The following AMHR2 variants were observed in gnomAD, a reference collection of about 807,000 sequenced individuals.
AMHR2 encodes anti-Mullerian hormone receptor type 2, also known as anti-Muellerian hormone type-2 receptor.
A neutral mutation model predicts 61.4 loss-of-function variants in AMHR2; 36 were observed. The observed-to-expected ratio is 0.59, with a 90% CI of 0.45 to 0.77. AMHR2 has a LOEUF of 0.77. Among genes scored for constraint, AMHR2 ranks in the 30% least tolerant of loss-of-function variants. AMHR2 has a pLI of 0.00. For synonymous variants in AMHR2, 258 were observed against 279.4 expected (o/e 0.92, Z 0.76); for missense variants, 638 against 714.6 (o/e 0.89, Z 1.22).
intron 8 of AMHR2, 78 bp from the exon 9 acceptor site, chr12:53,429,750 TGGG>T: frequency 6.2e-7 from 1 of 1,607,006 alleles, no homozygotes; most frequent in South Asian, 1.1e-5. Flanking sequence ...AGTCTGTAGT[TGGG>T]GGGATATTGC....
chr12:53,425,758 G>T lies in AMHR2; in HGVS notation c.691G>T (p.Ala231Ser). 2 of 1,614,154 alleles carry T rather than the reference G, an allele frequency of 1.2e-6. No individual in the cohort carries two copies. Among genetic ancestry groups the T allele is most frequent in the Non-Finnish European group, 1.7e-6 (2 of 1,180,030 alleles). ...QLQGKLVAIK[A>S]FPPRSVAQFQ... is the part of the protein sequence containing the mutation. ...GCAAGGAAAACTGGTTGCCATCAAG[G>T]CCTTCCCACCGAGGTCTGTGGCTCA... The change falls in exon 6 of 11, where the codon GCC (alanine) becomes TCC (serine). Residue 231 changes from alanine to serine, a missense_variant. Ala to Ser is a moderately conservative substitution (Grantham distance 99). Coordinates refer to ENST00000257863, the MANE Select transcript of AMHR2 (RefSeq NM_020547.3).
chr12:53,431,397 G>C lies in AMHR2; in HGVS notation c.1646G>C (p.Ser549Thr), dbSNP rs762729768. The C allele has an allele frequency of 4.3e-6, 7 of 1,614,114 alleles. No homozygotes were observed. In the African/African-American group the frequency reaches 9.3e-5, roughly 22 times the overall value. ...PTILPCRPQR[S>T]ACHFSVQQGP... ...ATCCTCCCCTGTAGGCCTCAGCGGA[G>C]TGCCTGCCACTTCAGCGTTCAGCAA... Residue 549 changes from serine (S) to threonine (T), a missense_variant, in exon 11 of 11, where the codon AGT (serine) becomes ACT (threonine). Transcript: ENST00000257863.
chr12:53,428,756 A>G (rs1379235216), intron 6 of AMHR2, 140 bp from the exon 7 acceptor site: 3 of 707,634 alleles, frequency 4.2e-6, no homozygotes, highest in African/African-American at 1.8e-5. Flanking sequence ...TCCTCTACCT[A>G]TTGTCTTGGC....
intron 2 of AMHR2, 59 bp downstream of exon 2, chr12:53,424,529 G>A (rs946179577): frequency 1.3e-6 from 2 of 1,590,214 alleles, no homozygotes; most frequent in Non-Finnish European, 1.7e-6. Flanking sequence ...ACATCCTGGG[G>A]TGTGGGTGGC....
rs1231406141 is a variant in AMHR2, at chr12:53,429,502, G to A, written c.1017G>A (p.Val339=). The A allele has an allele frequency of 4.3e-6, 7 of 1,613,652 alleles. No individual in the cohort carries two copies. The African/African-American group carries it at 5.3e-5, about 12-fold the overall frequency. Residue 339 remains valine (V), a synonymous_variant, in exon 8 of 11, where the codon GTG becomes GTA. Transcript: ENST00000257863. ...ACCGAGATCTGAGCAGCCAGAATGT[G>A]CTCATTCGGGAAGATGGATCGTGTG... ...IAHRDLSSQN[V]LIREDGSCAI... is the part of the protein sequence containing the mutation.
chr12:53,424,603 G>C lies in AMHR2; in HGVS notation c.233-106G>C, dbSNP rs1198184069. On this transcript the variant is annotated intron_variant, in intron 2 of 10. Coordinates refer to ENST00000257863, the MANE Select transcript of AMHR2 (RefSeq NM_020547.3). The stretch of plus-strand genomic sequence containing the variant: ...AAAGAAAAGCCCATGAGAGCTGGAA[G>C]GGACGCCTCTGATAGAGAAGGGATT... The C allele has an allele frequency of 3.9e-6, 6 of 1,533,812 alleles. No individual in the cohort carries two copies. In the African/African-American group the frequency reaches 5.5e-5, roughly 14 times the overall value.
rs144236183 is a variant in AMHR2 at position 53,428,999 on chromosome 12, G to A, written c.956G>A (p.Arg319His). The change falls in exon 7 of 11, where the codon CGC becomes CAC. Residue 319 changes from arginine to histidine, a missense_variant. Coordinates refer to ENST00000257863, the MANE Select transcript of AMHR2 (RefSeq NM_020547.3). Reference sequence around the variant, plus strand: ...GGCCTGGCATTTCTCCATGAGGAGCGCTGGCAGAATGGTGGGTGAGCTGGG... The same window carrying A: ...GGCCTGGCATTTCTCCATGAGGAGCACTGGCAGAATGGTGGGTGAGCTGGG... The part of the protein sequence containing the change: ...AQGLAFLHEE[R>H]WQNGQYKPGI... 5.8e-6 allele frequency: 9 copies of A among 1,551,084 alleles called. No homozygotes were observed. Among genetic ancestry groups the A allele is most frequent in the East Asian group, 4.9e-5 (2 of 40,914 alleles).
chr12:53,424,517 A>G (rs1338984866), intron 2 of AMHR2, 47 bp downstream of exon 2: 1 of 1,597,796 alleles, frequency 6.3e-7, no homozygotes, highest in Non-Finnish European at 8.5e-7. Context: ...TGGGAGACAG[A>G]CACATCCTGG....
intron 6 of AMHR2, among the ~76,000 whole-genome samples, chr12:53,427,951 C>T (rs1410371383): frequency 6.6e-6 from 1 of 152,182 alleles, no homozygotes; most frequent in Non-Finnish European, 1.5e-5. Flanking sequence ...GTTCAACCTC[C>T]ACCACCTGTT....
In AMHR2 at chr12:53,429,589, C is replaced by A. The variant is rs757659134; in HGVS notation, c.1104C>A (p.Thr368=). The A allele has an allele frequency of 1.2e-6, 2 of 1,613,968 alleles. No individual in the cohort carries two copies. Among genetic ancestry groups the A allele is most frequent in the Non-Finnish European group, 8.5e-7 (1 of 1,180,000 alleles). Residue 368 remains threonine, a synonymous_variant, in exon 8 of 11, where the codon ACC becomes ACA. Transcript: ENST00000257863. Reference sequence around the variant, plus strand: ...GCCTCACTCAGCCCCCTGCCTGGACCCCTACTCAACCACAAGGCCCAGCTG... The same window carrying A: ...GCCTCACTCAGCCCCCTGCCTGGACACCTACTCAACCACAAGGCCCAGCTG... ...LPGLTQPPAW[T]PTQPQGPAAI...
Position 53,424,900 on chromosome 12 carries a change from G to A in AMHR2, c.424G>A (p.Gly142Ser). ...PGSQGPQAAP[G>S]ESIWMALVLL... Reference sequence around the variant, plus strand: ...CTCCCAGGGTCCCCAGGCTGCCCCAGGTAGCCACCCAAGGGTACTGAAGCC... The same window carrying A: ...CTCCCAGGGTCCCCAGGCTGCCCCAAGTAGCCACCCAAGGGTACTGAAGCC... The change falls in exon 3 of 11, where the codon GGT becomes AGT. Residue 142 changes from glycine to serine, a missense_variant and splice_region_variant. Physicochemically the swap from Gly to Ser is moderately conservative, Grantham distance 56. Transcript: ENST00000257863. 2 of 1,610,448 alleles carry A rather than the reference G, an allele frequency of 1.2e-6. No homozygotes were observed. Among genetic ancestry groups the A allele is most frequent in the Non-Finnish European group, 1.7e-6 (2 of 1,179,848 alleles).
Position 53,431,458 on chromosome 12 carries a change from C to A in AMHR2, c.1707C>A (p.Thr569=). 5 of 1,614,232 alleles carry A rather than the reference C, an allele frequency of 3.1e-6. No homozygotes were observed. Among genetic ancestry groups the A allele is most frequent in the Middle Eastern group, 3.3e-4 (2 of 6,062 alleles). The change falls in exon 11 of 11, where the codon ACC becomes ACA. Residue 569 remains threonine (T), a synonymous_variant. Transcript: ENST00000257863. Reference sequence around the variant, plus strand: ...CCAGGAATCCTCAGCCTGCCTGTACCCTTTCTCCTGTGTAAATATGCAGTT... The same window carrying A: ...CCAGGAATCCTCAGCCTGCCTGTACACTTTCTCCTGTGTAAATATGCAGTT... ...PCSRNPQPAC[T]LSPV
chr12:53,428,936 G>A lies in AMHR2; in HGVS notation c.893G>A (p.Trp298Ter), dbSNP rs1243843341. 2 of 1,551,712 alleles carry A rather than the reference G, an allele frequency of 1.3e-6. No individual in the cohort carries two copies. Among genetic ancestry groups the A allele is most frequent in the Non-Finnish European group, 1.7e-6 (2 of 1,147,050 alleles). Reference protein sequence around the residue: ...CHYLTQYTSDWGSSLRMALSL... With the variant: ...CHYLTQYTSD Reference sequence around the variant, plus strand: ...TACTTGACCCAGTACACCAGTGACTGGGGAAGTTCCCTGCGGATGGCACTG... The same window carrying A: ...TACTTGACCCAGTACACCAGTGACTAGGGAAGTTCCCTGCGGATGGCACTG... Residue 298 changes from tryptophan to a stop codon, truncating the protein, a stop_gained, in exon 7 of 11, where the codon TGG becomes TAG. Transcript: ENST00000257863. LOFTEE classifies it high-confidence loss of function.
At chr12:53,425,052 G>A in intron 3 of AMHR2, 113 bp from the exon 4 acceptor site, 1 of 1,590,174 alleles carries the variant, frequency 6.3e-7, no homozygotes, top group Non-Finnish European at 8.5e-7. Context: ...GGGAGATAAG[G>A]GGTCTTGTGA....
rs11614010 is a variant in AMHR2 at position 53,426,253 on chromosome 12, T to C, written c.852+334T>C. ...GCTGAGGTGGAAAGATCGCTTGAGC[T>C]TAGGAGGTTGAGGCTGCAGTGAGCC... On this transcript the variant is annotated intron_variant, in intron 6 of 10. Coordinates refer to ENST00000257863, the MANE Select transcript of AMHR2 (RefSeq NM_020547.3). Among the ~76,000 whole-genome samples the C allele has an allele frequency of 0.16, 24,996 of 151,914 alleles. 2,141 individuals are homozygous for C. Among genetic ancestry groups the C allele is most frequent in the Admixed American group, 0.2 (3,000 of 15,256 alleles).
chr12:53,424,114 G>A (rs1274582259), intron 1 of AMHR2, 131 bp downstream of exon 1: 3 of 1,323,986 alleles, frequency 2.3e-6, no homozygotes, highest in Admixed American at 1.8e-5. Context: ...ATAGAGCCAT[G>A]TGTCCCCATG....
chr12:53,425,145 A>AT lies in AMHR2; in HGVS notation c.425-18dup, dbSNP rs1261172279. ...TTTGGGTCAGTGCTCTCCAGCCTGC[A>AT]TTCTTGCCTTGATGTCCAGGTGAGT... On this transcript the variant is annotated intron_variant, in intron 3 of 10. Transcript: ENST00000257863. 1 of 1,613,406 alleles carries AT rather than the reference A, an allele frequency of 6.2e-7. No homozygotes were observed. Among genetic ancestry groups the AT allele is most frequent in the Admixed American group, 1.7e-5 (1 of 59,998 alleles).
rs1223069513 is a variant in AMHR2 at position 53,425,451 on chromosome 12, C to G, written c.503-4C>G. 1.2e-6 allele frequency: 2 copies of G among 1,613,754 alleles called. No homozygotes were observed. ...CCTGACCCTAAGGCTCTTGTCTGTT[C>G]CAGCCCTGCTACAGCGAAAGAACTA... On this transcript the variant is annotated splice_region_variant and splice_polypyrimidine_tract_variant and intron_variant, in intron 4 of 10. Transcript: ENST00000257863.
At chr12:53,426,540 C>T (rs899861458) in intron 6 of AMHR2, among the ~76,000 whole-genome samples, 1 of 151,408 alleles carries the variant, frequency 6.6e-6, no homozygotes, top group African/African-American at 2.4e-5. Context: ...GAAGGAGCAC[C>T]TGAGCCTGGG....
Sources: gnomAD v4.1 joint callset for allele counts (sites outside exome capture counted in the v4.1 genomes callset) on GRCh38, gnomAD v4.1.1 for gene constraint, MANE v1.5 for transcripts, NCBI Gene and HGNC (gene_info 2026-07-23, HGNC 2026-07-21) for gene names.